The following ANKRD27 variants were observed in gnomAD, a reference collection of about 807,000 sequenced individuals.
The protein encoded by ANKRD27 is ankyrin repeat domain-containing protein 27.
ANKRD27 carries 112 observed loss-of-function variants against 129.7 expected under a neutral mutation model. That is an observed-to-expected ratio of 0.86 (90% CI 0.74 to 1.01). The LOEUF is 1.01. Ranked by LOEUF, ANKRD27 falls within the 50% of genes least tolerant of loss-of-function variation. The pLI is 0.00. For missense variants in ANKRD27, 1,258 were observed against 1,300.5 expected, an observed-to-expected ratio of 0.97 and a Z score of 0.50; for synonymous variants, 516 against 511.2, an observed-to-expected ratio of 1.01 and a Z score of -0.13.
At chr19:32,651,661 C>G (rs945621915) in intron 2 of ANKRD27, among the ~76,000 whole-genome samples, 1 of 152,136 alleles carries the variant, frequency 6.6e-6, no homozygotes, top group African/African-American at 2.4e-5. Flanking sequence ...TGAGCCACCA[C>G]GCCTGGCCTC....
intron 2 of ANKRD27, among the ~76,000 whole-genome samples, chr19:32,653,521 T>C (rs542607891): frequency 4.6e-5 from 7 of 152,178 alleles, no homozygotes; most frequent in South Asian, 4.1e-4. Context: ...ATTAGCCGGA[T>C]AGTTGTAAGC....
intron 2 of ANKRD27, among the ~76,000 whole-genome samples, chr19:32,652,195 G>A (rs535557219): frequency 3.3e-5 from 5 of 152,354 alleles, no homozygotes; most frequent in African/African-American, 1.2e-4. Context: ...ACGAAGTTCA[G>A]AGTTACTGCG....
At chr19:32,674,098 A>G in intron 1 of ANKRD27, among the ~76,000 whole-genome samples, 1 of 152,130 alleles carries the variant, frequency 6.6e-6, no homozygotes, top group East Asian at 1.9e-4. Flanking sequence ...TTGAGGCTGC[A>G]ATGAGCTATG....
At position 32,656,099 on chromosome 19, in the gene ANKRD27, GAAAGAAAGA is replaced by G. The variant is rs1216296315; in HGVS notation, c.102+2806_102+2814del. Among the ~76,000 whole-genome samples the G allele has an allele frequency of 3.7e-3, 458 of 123,070 alleles. 8 individuals carry two copies. Among genetic ancestry groups the G allele is most frequent in the African/African-American group, 0.015 (430 of 28,372 alleles). 80.7% of individuals were successfully genotyped at this position (123,070 alleles called of 152,430 possible). On this transcript the variant is annotated intron_variant, in intron 2 of 28. Transcript: ENST00000306065. ...AGAAAGAAAGAAAGAAAGAAAGAAAGAAAGAAAGAAAAGAAAAGAAAAGAAAAGAAAAGA... is the reference window on the plus strand; with the variant it reads ...AGAAAGAAAGAAAGAAAGAAAGAAAGAAAGAAAAGAAAAGAAAAGAAAAGA...
chr19:32,632,049 G>T (rs1043693517), intron 12 of ANKRD27, among the ~76,000 whole-genome samples: 5 of 152,218 alleles, frequency 3.3e-5, no homozygotes, highest in Non-Finnish European at 5.9e-5. Context: ...AGCACTTTGG[G>T]AGGCTGAGGT....
At chr19:32,611,405 T>C (rs927294625) in intron 22 of ANKRD27, among the ~76,000 whole-genome samples, 4 of 152,148 alleles carry the variant, frequency 2.6e-5, no homozygotes, top group Admixed American at 6.5e-5. Context: ...GGGGGCCAGG[T>C]CAAAAGGTGC....
Position 32,597,759 on chromosome 19 carries a change from T to C in ANKRD27, c.*386A>G, listed in dbSNP as rs1971591137. 9.1e-6 allele frequency: 2 copies of C among 219,926 alleles called. No individual in the cohort carries two copies. The highest frequency in any genetic ancestry group is 2.0e-4 in the East Asian group (2 of 9,972). 13.6% of individuals were successfully genotyped at this position (219,926 alleles called of 1,614,324 possible). ...ATCCTAGGTGGAGGAATTCTAGCTGTGGTTTGTGAATGTACACAGGTCAGA... is the reference window on the plus strand; with the variant it reads ...ATCCTAGGTGGAGGAATTCTAGCTGCGGTTTGTGAATGTACACAGGTCAGA... On this transcript the variant is annotated 3_prime_UTR_variant, in exon 29 of 29. Transcript: ENST00000306065.
At chr19:32,666,019 C>T (rs917522518) in intron 1 of ANKRD27, among the ~76,000 whole-genome samples, 1 of 151,674 alleles carries the variant, frequency 6.6e-6, no homozygotes, top group Non-Finnish European at 1.5e-5. Context: ...CTTCCTACCT[C>T]GGCCTCCCAA....
chr19:32,648,015 A>G (rs259216), intron 3 of ANKRD27, among the ~76,000 whole-genome samples: 74,396 of 152,174 alleles, frequency 0.49, 20,984 homozygotes, highest in Non-Finnish European at 0.65. Flanking sequence ...CCTGTAATCC[A>G]AGCACTTTCG....
intron 15 of ANKRD27, 76 bp downstream of exon 15, chr19:32,628,007 G>A: frequency 7.3e-7 from 1 of 1,375,774 alleles, no homozygotes; most frequent in Non-Finnish European, 1.0e-6. Context: ...CCATCAGCCA[G>A]GCCTCTCTGC....
intron 3 of ANKRD27, 70 bp downstream of exon 3, chr19:32,649,612 A>C: frequency 2.0e-5 from 20 of 1,022,524 alleles, no homozygotes; most frequent in Non-Finnish European, 2.9e-5. Flanking sequence ...TGAGAACGGG[A>C]CTCTCTTCCT....
Position 32,646,518 on chromosome 19 carries a change from T to C in ANKRD27, c.311A>G (p.Lys104Arg). Reference protein sequence around the residue: ...ILFEETFYNEKEESFSILCIA... With the variant: ...ILFEETFYNEREESFSILCIA... ...ACACAGGATGCTGAAACTCTCTTCT[T>C]TTTCATTGTAGAAAGTTTCTTCAAA... Residue 104 changes from lysine (K) to arginine (R), a missense_variant, in exon 4 of 29, where the codon AAA becomes AGA. By Grantham distance (26) the Lys-to-Arg change is conservative. Transcript: ENST00000306065. 1 of 1,614,188 alleles carries C rather than the reference T, an allele frequency of 6.2e-7. No individual in the cohort carries two copies. Among genetic ancestry groups the C allele is most frequent in the Non-Finnish European group, 8.5e-7 (1 of 1,180,024 alleles).
At chr19:32,659,088 TTTACG>T (rs1967598020) in intron 1 of ANKRD27, 43 bp from the exon 2 acceptor site, 1 of 990,550 alleles carries the variant, frequency 1.0e-6, no homozygotes, top group Non-Finnish European at 1.6e-6. Context: ...CATTTTCGAG[TTTACG>T]TAACACATGA....
At chr19:32,601,032 C>A (rs965195451) in intron 26 of ANKRD27, among the ~76,000 whole-genome samples, 5 of 152,196 alleles carry the variant, frequency 3.3e-5, no homozygotes, top group African/African-American at 9.7e-5. Flanking sequence ...GGCGCGGTGG[C>A]TCACACCTGT....
chr19:32,674,570 GA>G (rs1278805938), intron 1 of ANKRD27, among the ~76,000 whole-genome samples: 3 of 70,892 alleles, frequency 4.2e-5, no homozygotes, highest in South Asian at 3.3e-4. Flanking sequence ...GGAATGCAGA[GA>G]CCCCCCCGCC....
At position 32,675,123 on chromosome 19, in the gene ANKRD27, T is replaced by G. The variant is rs916561861; in HGVS notation, c.-83A>C. On this transcript the variant is annotated 5_prime_UTR_variant, in exon 1 of 29. Coordinates refer to ENST00000306065, the MANE Select transcript of ANKRD27 (RefSeq NM_032139.3). The stretch of plus-strand genomic sequence containing the variant: ...GCCCATCCTGGGCGACGGCGGCACC[T>G]CCCTCGTCCGCTGCTGGGACCTCGA... 1 of 152,252 alleles carries G rather than the reference T, an allele frequency of 6.6e-6. No individual in the cohort carries two copies. Among genetic ancestry groups the G allele is most frequent in the African/African-American group, 2.4e-5 (1 of 41,400 alleles). The allele number at this position is 152,252 out of a possible 1,614,324, so 9.4% of individuals were successfully genotyped here. A position where few individuals can be genotyped will look rare whatever the true frequency, so the allele number is the denominator to read the frequency against.
At chr19:32,599,591 A>G (rs1303794630) in intron 28 of ANKRD27, 113 bp downstream of exon 28, 3 of 909,746 alleles carry the variant, frequency 3.3e-6, no homozygotes, top group Non-Finnish European at 5.2e-6. Flanking sequence ...GCTAACTCAT[A>G]CGGCGCACGG....
At chr19:32,611,835 C>T (rs1019889179) in intron 22 of ANKRD27, among the ~76,000 whole-genome samples, 2 of 152,234 alleles carry the variant, frequency 1.3e-5, no homozygotes, top group Non-Finnish European at 2.9e-5. Context: ...CCCGCCTCGG[C>T]CTCCCAAAGT....
chr19:32,643,763 C>G (rs1432253633), intron 5 of ANKRD27, 132 bp from the exon 6 acceptor site: 1 of 941,254 alleles, frequency 1.1e-6, no homozygotes, highest in South Asian at 1.4e-5. Context: ...TGATTTTTCT[C>G]AACTTTTTTT....
Sources: allele counts gnomAD v4.1 joint callset (sites outside exome capture counted in the v4.1 genomes callset), GRCh38; gene constraint gnomAD v4.1.1; transcripts MANE v1.5; gene names NCBI Gene and HGNC (gene_info 2026-07-23, HGNC 2026-07-21).